The following RANBP2 variants were observed in gnomAD, a reference collection of about 807,000 sequenced individuals.
RANBP2 encodes the protein E3 SUMO-protein ligase RanBP2.
Under a neutral mutation model 303.6 loss-of-function variants are expected in RANBP2, and 57 were observed. The ratio of observed to expected loss-of-function variants is 0.19; its 90% confidence interval spans 0.15 to 0.23. The LOEUF is 0.23. Among genes scored for constraint, RANBP2 ranks in the 10% least tolerant of loss-of-function variants. RANBP2 has a pLI of 1.00. For missense variants in RANBP2, 3,138 were observed against 3,780.8 expected, an observed-to-expected ratio of 0.83 and a Z score of 4.46; for synonymous variants, 1,167 against 1,301.5, an observed-to-expected ratio of 0.90 and a Z score of 2.23.
At chr2:108,783,399 G>T (rs1181440736) in intron 28 of RANBP2, among the ~76,000 whole-genome samples, 197 bp from the exon 29 acceptor site, 1 of 146,478 alleles carries the variant, frequency 6.8e-6, no homozygotes. Context: ...TAGAAACTAA[G>T]GGATGGGAAA....
the RANBP2 span, among the ~76,000 whole-genome samples, chr2:109,267,802 G>C: frequency 6.6e-6 from 1 of 152,238 alleles, no homozygotes; most frequent in East Asian, 1.9e-4. Flanking sequence ...GTCAAGCCCT[G>C]TTGGGGAGGG....
At chr2:109,586,589 C>A in the RANBP2 span, among the ~76,000 whole-genome samples, 1,450 of 152,308 alleles carry the variant, frequency 9.5e-3, 65 homozygotes, top group East Asian at 0.13. Flanking sequence ...CCACTCAAAT[C>A]CATGGCTGAT....
chr2:109,651,182 A>G, the RANBP2 span, among the ~76,000 whole-genome samples: 1 of 152,134 alleles, frequency 6.6e-6, no homozygotes, highest in Non-Finnish European at 1.5e-5. Context: ...ACAAGGTAAT[A>G]ATGAGAGGGT....
chr2:109,323,210 G>A, the RANBP2 span, among the ~76,000 whole-genome samples: 1,338 of 152,268 alleles, frequency 8.8e-3, 25 homozygotes, highest in African/African-American at 0.03. Context: ...AAGGAGGGCC[G>A]GGGGCCATCA....
the RANBP2 span, among the ~76,000 whole-genome samples, chr2:109,529,707 C>T: frequency 2.4e-3 from 373 of 152,314 alleles, no homozygotes; most frequent in Non-Finnish European, 4.3e-3. Flanking sequence ...GGAAGGGAAT[C>T]TCAGAAGGAA....
chr2:109,488,204 T>A, the RANBP2 span, among the ~76,000 whole-genome samples: 1 of 152,168 alleles, frequency 6.6e-6, no homozygotes, highest in African/African-American at 2.4e-5. Flanking sequence ...GCCTTAGCAC[T>A]GATGACATTT....
At chr2:108,777,329 TTCTTCCCTTACCCCCC>T in intron 25 of RANBP2, 98 bp downstream of exon 25, 20 of 939,438 alleles carry the variant, frequency 2.1e-5, no homozygotes, top group Non-Finnish European at 3.0e-5. Flanking sequence ...AGTTAGAAGT[TTCTTCCCTTACCCCCC>T]AGTTTGTTTT....
At chr2:109,723,660 C>A in the RANBP2 span, among the ~76,000 whole-genome samples, 1 of 152,042 alleles carries the variant, frequency 6.6e-6, no homozygotes, top group African/African-American at 2.4e-5. Context: ...AGACTCTGGA[C>A]ATTAGACCTT....
chr2:109,485,755 T>C, the RANBP2 span, among the ~76,000 whole-genome samples: 1 of 152,264 alleles, frequency 6.6e-6, no homozygotes. Flanking sequence ...ACATGGCTTT[T>C]TCTGGATATA....
the RANBP2 span, chr2:108,876,079 T>A: frequency 1.3e-6 from 2 of 1,551,638 alleles, no homozygotes; most frequent in Non-Finnish European, 1.8e-6. Context: ...GTATTCATTT[T>A]TTTTACAGGA....
At chr2:109,419,740 T>C in the RANBP2 span, 5 of 1,181,522 alleles carry the variant, frequency 4.2e-6, no homozygotes, top group East Asian at 7.7e-5. Context: ...GGTTTTCCCA[T>C]GTGTTACTAG....
chr2:108,798,852 C>CACACAT, the RANBP2 span, among the ~76,000 whole-genome samples: 2 of 150,120 alleles, frequency 1.3e-5, no homozygotes, highest in East Asian at 3.9e-4. Flanking sequence ...CACACACACA[C>CACACAT]ATTTTTTCTG....
chr2:109,088,034 GC>G, the RANBP2 span, among the ~76,000 whole-genome samples: 2 of 152,282 alleles, frequency 1.3e-5, no homozygotes, highest in East Asian at 1.9e-4. Flanking sequence ...GGAGGCCAAG[GC>G]GGGCGGATCA....
the RANBP2 span, chr2:109,732,581 T>C: frequency 2.6e-6 from 1 of 382,320 alleles, no homozygotes; most frequent in Non-Finnish European, 5.1e-6. Context: ...CAGGTTCAAG[T>C]GACTCCTGCT....
chr2:109,024,084 C>T, the RANBP2 span, among the ~76,000 whole-genome samples: 4 of 152,086 alleles, frequency 2.6e-5, no homozygotes, highest in African/African-American at 4.8e-5. Context: ...CACCACCACG[C>T]CCCGCTAATT....
the RANBP2 span, among the ~76,000 whole-genome samples, chr2:109,421,110 A>G: frequency 1.3e-5 from 2 of 152,216 alleles, no homozygotes; most frequent in East Asian, 1.9e-4. Context: ...AAGGAGGCAC[A>G]TGGAAAAGTG....
At chr2:109,626,267 G>A in the RANBP2 span, among the ~76,000 whole-genome samples, 2 of 152,080 alleles carry the variant, frequency 1.3e-5, no homozygotes, top group African/African-American at 4.8e-5. Context: ...ATCATTTGAG[G>A]TCTGGAGTTT....
chr2:109,040,545 T>G, the RANBP2 span, among the ~76,000 whole-genome samples: 1 of 152,210 alleles, frequency 6.6e-6, no homozygotes, highest in Non-Finnish European at 1.5e-5. Context: ...CTAGATTAAT[T>G]TAAGGAGAAT....
At chr2:109,580,737 T>C in the RANBP2 span, among the ~76,000 whole-genome samples, 1 of 152,176 alleles carries the variant, frequency 6.6e-6, no homozygotes, top group African/African-American at 2.4e-5. Flanking sequence ...AAAAAAAGGT[T>C]TTAAAACACT....
Sources: gnomAD v4.1 joint callset for allele counts (sites outside exome capture counted in the v4.1 genomes callset) on GRCh38, gnomAD v4.1.1 for gene constraint, MANE v1.5 for transcripts, NCBI Gene and HGNC (gene_info 2026-07-23, HGNC 2026-07-21) for gene names.